The following ME3 variants were observed in gnomAD, a reference collection of about 807,000 sequenced individuals.
ME3 encodes NADP-dependent malic enzyme, mitochondrial.
A neutral mutation model predicts 68.9 loss-of-function variants in ME3; 48 were observed. The ratio of observed to expected loss-of-function variants is 0.70; its 90% CI spans 0.55 to 0.89. The LOEUF is 0.89. Ranked by LOEUF, ME3 falls within the 40% of genes least tolerant of loss-of-function variation. The pLI is 0.00. For synonymous variants in ME3, 320 were observed against 318.8 expected (o/e 1.00, Z -0.04); for missense variants, 675 against 797.4 (o/e 0.85, Z 1.85).
chr11:86,554,939 G>A (rs1956856307), intron 4 of ME3, among the ~76,000 whole-genome samples: 2 of 152,194 alleles, frequency 1.3e-5, no homozygotes, highest in South Asian at 2.1e-4. Flanking sequence ...GATAGACGAA[G>A]TATGTGTAAT....
chr11:86,629,458 C>G (rs1322301740), intron 2 of ME3, among the ~76,000 whole-genome samples: 1 of 152,224 alleles, frequency 6.6e-6, no homozygotes. Context: ...GACCCTCCCC[C>G]TCCCCCGTGG....
Position 86,497,812 on chromosome 11 carries a change from C to A in ME3, c.705+151G>T, listed in dbSNP as rs1594185976. 13 of 903,920 alleles carry A rather than the reference C, an allele frequency of 1.4e-5. No individual in the cohort carries two copies. In the East Asian group the frequency reaches 3.1e-4, roughly 21 times the overall value. 56.0% of individuals were successfully genotyped at this position (903,920 alleles called of 1,614,324 possible). On this transcript the variant is annotated intron_variant, in intron 6 of 14. Coordinates refer to ENST00000543262, the Ensembl canonical transcript of ME3. Reference sequence around the variant, plus strand: ...CCAGGGAAGAAGGTCCTCTACTCCACAACTGTGTAGGGGGAATGCCCTGGT... The same window carrying A: ...CCAGGGAAGAAGGTCCTCTACTCCAAAACTGTGTAGGGGGAATGCCCTGGT...
chr11:86,466,376 G>A (rs1950481335), intron 7 of ME3, among the ~76,000 whole-genome samples: 1 of 152,206 alleles, frequency 6.6e-6, no homozygotes, highest in African/African-American at 2.4e-5. Flanking sequence ...CTGAGGTCAT[G>A]TCATTGAGAA....
intron 14 of ME3, 57 bp downstream of exon 14, chr11:86,442,760 CACAG>C: frequency 2.1e-6 from 3 of 1,408,714 alleles, no homozygotes; most frequent in Non-Finnish European, 3.0e-6. Context: ...CTCCTAAAGT[CACAG>C]ACAGAGAAAG....
chr11:86,472,465 CTGGTATTAATATAAGGCAGTGCAGA>C (rs1950837790), intron 7 of ME3, among the ~76,000 whole-genome samples: 1 of 152,116 alleles, frequency 6.6e-6, no homozygotes, highest in Non-Finnish European at 1.5e-5. Context: ...TTGTGAAGTC[CTGGTATTAATATAAGGCAGTGCAGA>C]CATGTAGGCA....
At chr11:86,595,320 G>GAGAC (rs1959233747) in intron 2 of ME3, among the ~76,000 whole-genome samples, 2 of 138,642 alleles carry the variant, frequency 1.4e-5, no homozygotes, top group South Asian at 2.4e-4. Flanking sequence ...GAGAGAGAGA[G>GAGAC]AGAGAGAGAG....
chr11:86,649,272 G>A (rs1945239509), intron 2 of ME3, among the ~76,000 whole-genome samples: 1 of 152,056 alleles, frequency 6.6e-6, no homozygotes. Flanking sequence ...ACCCCTTCAT[G>A]CTAAAAACAC....
rs963940152 is a variant in ME3 at position 86,445,245 on chromosome 11, G to A, written c.1554+1069C>T. Among the ~76,000 whole-genome samples the A allele has an allele frequency of 2.6e-5, 4 of 152,204 alleles. No individual in the cohort carries two copies. In the South Asian group the frequency reaches 8.3e-4, roughly 32 times the overall value. The stretch of plus-strand genomic sequence containing the variant: ...GAGGAACAGAGAACTGTAACACAAA[G>A]TCATAAGTAGTGTGCGTGGGGCTGG... On this transcript the variant is annotated intron_variant, in intron 13 of 14. Coordinates refer to ENST00000543262, the Ensembl canonical transcript of ME3.
intron 6 of ME3, among the ~76,000 whole-genome samples, chr11:86,490,757 A>C (rs1247126126): frequency 6.6e-6 from 1 of 152,228 alleles, no homozygotes; most frequent in East Asian, 1.9e-4. Context: ...CAGTTCTTAC[A>C]AAGATTAAAA....
At chr11:86,439,053 G>C (rs1209410999), downstream of ME3, among the ~76,000 whole-genome samples, 1 of 152,136 alleles carries the variant, frequency 6.6e-6, no homozygotes, top group African/African-American at 2.4e-5. Flanking sequence ...CTCAAGGGAG[G>C]GCGAATCCAT....
At chr11:86,658,584 T>C (rs1378323292) in intron 2 of ME3, among the ~76,000 whole-genome samples, 2 of 152,148 alleles carry the variant, frequency 1.3e-5, no homozygotes, top group Non-Finnish European at 2.9e-5. Flanking sequence ...CAGTAGTAGA[T>C]CACAGAACAT....
chr11:86,621,642 G>T (rs1413285154), intron 2 of ME3, among the ~76,000 whole-genome samples: 1 of 151,330 alleles, frequency 6.6e-6, no homozygotes, highest in African/African-American at 2.4e-5. Flanking sequence ...TGTGAATAGG[G>T]TTGTATTCAA....
At chr11:86,507,807 A>T (rs187356937) in intron 5 of ME3, among the ~76,000 whole-genome samples, 23 of 152,078 alleles carry the variant, frequency 1.5e-4, no homozygotes, top group Non-Finnish European at 2.5e-4. Flanking sequence ...ACATGGCAAA[A>T]CCCTATCTCT....
chr11:86,560,748 G>GTGTATATATATATATATATATA lies in ME3; in HGVS notation c.184-926_184-925insTATATATATATATATATATACA, dbSNP rs1243025217. ...TGTATGTGTGTGTGTGTGTGTGTGT[G>GTGTATATATATATATATATATA]TATATATATATATATATATATATAT... On this transcript the variant is annotated intron_variant, in intron 2 of 14. Coordinates refer to ENST00000543262, the Ensembl canonical transcript of ME3. Among the ~76,000 whole-genome samples, 159 of 62,456 alleles carry GTGTATATATATATATATATATA rather than the reference G, an allele frequency of 2.5e-3. 2 individuals carry two copies. Among genetic ancestry groups the GTGTATATATATATATATATATA allele is most frequent in the African/African-American group, 8.9e-3 (150 of 16,848 alleles). 41.0% of individuals were successfully genotyped at this position (62,456 alleles called of 152,430 possible).
At chr11:86,496,009 A>G (rs1952305827) in intron 6 of ME3, among the ~76,000 whole-genome samples, 1 of 152,174 alleles carries the variant, frequency 6.6e-6, no homozygotes, top group African/African-American at 2.4e-5. Context: ...CCAGCTGTTA[A>G]GCAAGGTCTG....
intron 5 of ME3, among the ~76,000 whole-genome samples, chr11:86,507,931 T>C (rs1311805240): frequency 6.7e-6 from 1 of 150,268 alleles, no homozygotes; most frequent in Non-Finnish European, 1.5e-5. Context: ...GTTGCAATAA[T>C]CTGTGACTGC....
chr11:86,499,067 G>C (rs576332839), intron 5 of ME3, among the ~76,000 whole-genome samples: 71 of 152,296 alleles, frequency 4.7e-4, no homozygotes, highest in Admixed American at 2.7e-3. Flanking sequence ...TAGAAGATGG[G>C]AGGATAACCC....
intron 4 of ME3, among the ~76,000 whole-genome samples, chr11:86,535,385 A>G (rs1955583301): frequency 1.3e-5 from 2 of 152,154 alleles, no homozygotes; most frequent in African/African-American, 4.8e-5. Context: ...GGCCAGGGCA[A>G]TCTATGGAAC....
At chr11:86,632,079 CTG>C (rs1415158102) in intron 2 of ME3, among the ~76,000 whole-genome samples, 1 of 152,180 alleles carries the variant, frequency 6.6e-6, no homozygotes. Context: ...GATGAAGAAA[CTG>C]AGGCTTAAAG....
Sources: allele counts gnomAD v4.1 joint callset (sites outside exome capture counted in the v4.1 genomes callset), GRCh38; gene constraint gnomAD v4.1.1; transcripts MANE v1.5; gene names NCBI Gene and HGNC (gene_info 2026-07-23, HGNC 2026-07-21).